The following KCNQ3 variants were observed in gnomAD, a reference collection of about 807,000 sequenced individuals.
KCNQ3 encodes potassium voltage-gated channel subfamily Q member 3.
In KCNQ3, 30 loss-of-function variants were observed where a neutral mutation model predicts 92.5. The ratio of observed to expected loss-of-function variants is 0.32; its 90% confidence interval spans 0.24 to 0.44. The LOEUF (loss-of-function observed/expected upper bound fraction) is 0.44. Among genes scored for constraint, KCNQ3 ranks in the 20% least tolerant of loss-of-function variants. The pLI is 1.00. For missense variants in KCNQ3, 913 were observed against 1,140.3 expected (o/e 0.80, Z 2.87); for synonymous variants, 450 against 468.8 (o/e 0.96, Z 0.52).
chr8:132,158,521 G>A (rs866085768), intron 9 of KCNQ3, among the ~76,000 whole-genome samples: 17 of 152,164 alleles, frequency 1.1e-4, no homozygotes, highest in African/African-American at 4.1e-4. Flanking sequence ...GAAGAGAACA[G>A]AACGAGCAAA....
intron 1 of KCNQ3, among the ~76,000 whole-genome samples, chr8:132,264,961 AACCCAGGCTTG>A (rs1815933279): frequency 6.6e-6 from 1 of 152,182 alleles, no homozygotes; most frequent in Non-Finnish European, 1.5e-5. Flanking sequence ...ATAGTAGAAA[AACCCAGGCTTG>A]GGTTTAGACA....
At chr8:132,440,764 CACAG>C (rs1235544412) in intron 1 of KCNQ3, among the ~76,000 whole-genome samples, 4 of 152,188 alleles carry the variant, frequency 2.6e-5, no homozygotes, top group African/African-American at 7.2e-5. Context: ...CTTCCTGCAA[CACAG>C]ACAGATGCCA....
At chr8:132,451,154 C>T (rs1821810313) in intron 1 of KCNQ3, among the ~76,000 whole-genome samples, 1 of 152,174 alleles carries the variant, frequency 6.6e-6, no homozygotes, top group African/African-American at 2.4e-5. Flanking sequence ...GATAGTGAAT[C>T]AGCCTCATGA....
chr8:132,147,889 T>C (rs1200611675), intron 9 of KCNQ3, among the ~76,000 whole-genome samples: 1 of 152,216 alleles, frequency 6.6e-6, no homozygotes, highest in East Asian at 1.9e-4. Context: ...TCTTTTCATG[T>C]GGAAAGGGTG....
chr8:132,392,530 T>A (rs968643624), intron 1 of KCNQ3, among the ~76,000 whole-genome samples: 1 of 151,836 alleles, frequency 6.6e-6, no homozygotes, highest in African/African-American at 2.4e-5. Context: ...CTCCTCTCTC[T>A]CTCTCAACTC....
At chr8:132,419,111 C>A (rs1441207481) in intron 1 of KCNQ3, among the ~76,000 whole-genome samples, 3 of 152,138 alleles carry the variant, frequency 2.0e-5, no homozygotes, top group African/African-American at 7.2e-5. Context: ...AAGGTCAATA[C>A]AATGCCTTCC....
intron 1 of KCNQ3, among the ~76,000 whole-genome samples, chr8:132,323,101 A>G (rs940338129): frequency 7.2e-5 from 11 of 152,108 alleles, no homozygotes; most frequent in African/African-American, 2.4e-4. Context: ...GGAAGCAGGG[A>G]AGGCAGTTCA....
chr8:132,283,454 T>A (rs1011277653), intron 1 of KCNQ3, among the ~76,000 whole-genome samples: 1 of 152,260 alleles, frequency 6.6e-6, no homozygotes, highest in African/African-American at 2.4e-5. Context: ...AAGACCAGCA[T>A]ACTCAAGTGA....
chr8:132,425,139 G>A (rs916799629), intron 1 of KCNQ3, among the ~76,000 whole-genome samples: 35 of 152,162 alleles, frequency 2.3e-4, no homozygotes, highest in African/African-American at 4.8e-5. Context: ...AGTGGAGCTC[G>A]TGGATCTGCA....
chr8:132,213,884 G>T (rs1344229599), intron 1 of KCNQ3, among the ~76,000 whole-genome samples: 3 of 152,204 alleles, frequency 2.0e-5, no homozygotes, highest in Non-Finnish European at 4.4e-5. Context: ...CATGAGTGCA[G>T]CATTTCAAAT....
At chr8:132,364,254 AATTTGAAAC>A (rs1306192017) in intron 1 of KCNQ3, among the ~76,000 whole-genome samples, 2 of 152,214 alleles carry the variant, frequency 1.3e-5, no homozygotes, top group Non-Finnish European at 2.9e-5. Flanking sequence ...GAGAAGATAT[AATTTGAAAC>A]ATTTAAACTG....
intron 1 of KCNQ3, among the ~76,000 whole-genome samples, chr8:132,284,022 A>G (rs535907650): frequency 6.6e-6 from 1 of 152,346 alleles, no homozygotes. Context: ...CCAGATGAGG[A>G]ACCATACATC....
In KCNQ3 at chr8:132,455,197, C is replaced by G. The variant is rs573919209; in HGVS notation, c.386+24950G>C. ...AGTGGCGTGACTGCAACCTCCACCC[C>G]TCGGGTTCAAGTGATTCTCCTGCCT... On this transcript the variant is annotated intron_variant, in intron 1 of 14. Transcript: ENST00000388996. Among the ~76,000 whole-genome samples, 3 of 152,236 alleles carry G rather than the reference C, an allele frequency of 2.0e-5. No homozygotes were observed. In the East Asian group the frequency reaches 5.8e-4, roughly 30 times the overall value.
chr8:132,231,290 T>C (rs562266576), intron 1 of KCNQ3, among the ~76,000 whole-genome samples: 3 of 152,346 alleles, frequency 2.0e-5, no homozygotes, highest in South Asian at 2.1e-4. Context: ...TAAGTTGTTA[T>C]AGCAGCCCTG....
At chr8:132,413,170 A>G (rs943033816) in intron 1 of KCNQ3, among the ~76,000 whole-genome samples, 1 of 152,228 alleles carries the variant, frequency 6.6e-6, no homozygotes, top group Non-Finnish European at 1.5e-5. Flanking sequence ...CACGCTACAA[A>G]TGATCTTAAG....
intron 1 of KCNQ3, among the ~76,000 whole-genome samples, chr8:132,465,745 AAAAC>A (rs1338337785): frequency 6.6e-6 from 1 of 151,816 alleles, no homozygotes; most frequent in East Asian, 1.9e-4. Flanking sequence ...CTCCGTCTCA[AAAAC>A]AAACAAACAA....
intron 1 of KCNQ3, among the ~76,000 whole-genome samples, chr8:132,235,985 G>C (rs1310400962): frequency 1.3e-5 from 2 of 152,190 alleles, no homozygotes; most frequent in African/African-American, 2.4e-5. Flanking sequence ...CTTCTTCACA[G>C]CTCAGTCTCT....
chr8:132,372,100 C>A (rs1416307676), intron 1 of KCNQ3, among the ~76,000 whole-genome samples: 1 of 152,164 alleles, frequency 6.6e-6, no homozygotes, highest in African/African-American at 2.4e-5. Context: ...CCCATGCTGT[C>A]TCCTTGCTTC....
chr8:132,423,033 C>T (rs903604729), intron 1 of KCNQ3, among the ~76,000 whole-genome samples: 20 of 152,142 alleles, frequency 1.3e-4, no homozygotes, highest in East Asian at 1.9e-4. Flanking sequence ...CTTCCCAAGA[C>T]GCACACATTG....
Sources: allele counts gnomAD v4.1 joint callset (sites outside exome capture counted in the v4.1 genomes callset), GRCh38; gene constraint gnomAD v4.1.1; transcripts MANE v1.5; gene names NCBI Gene and HGNC (gene_info 2026-07-23, HGNC 2026-07-21).